GALNT3: variants seen among roughly 807,000 people sequenced by gnomAD.
The protein encoded by GALNT3 is GalNAc transferase 3.
Under a neutral mutation model 69.8 loss-of-function variants are expected in GALNT3, and 51 were observed. The ratio of observed to expected loss-of-function variants is 0.73; its 90% confidence interval spans 0.58 to 0.92. GALNT3 has a LOEUF of 0.92. GALNT3 is among the 40% of genes least tolerant of loss of function. The pLI, the probability that GALNT3 is intolerant of heterozygous loss-of-function variation, is 0.00. For synonymous variants in GALNT3, 265 were observed against 248.5 expected (o/e 1.07, Z -0.63); for missense variants, 711 against 760.0 (o/e 0.94, Z 0.76).
intron 4 of GALNT3, among the ~76,000 whole-genome samples, chr2:165,761,504 G>A (rs1463074428): frequency 6.6e-6 from 1 of 151,786 alleles, no homozygotes; most frequent in African/African-American, 2.4e-5. Context: ...GAGCCACCAC[G>A]CCCGGCTACA....
chr2:165,782,046 A>T (rs1683121880), intron 1 of GALNT3, among the ~76,000 whole-genome samples: 1 of 152,198 alleles, frequency 6.6e-6, no homozygotes, highest in Non-Finnish European at 1.5e-5. Flanking sequence ...GGGAGTCTAC[A>T]GCCATTCTCT....
At chr2:165,758,696 A>G in intron 6 of GALNT3, 51 bp downstream of exon 6, 1 of 1,131,678 alleles carries the variant, frequency 8.8e-7, no homozygotes. Flanking sequence ...TTAGAACACA[A>G]TATATTTCAT....
At chr2:165,773,176 C>T (rs1688782686) in intron 1 of GALNT3, among the ~76,000 whole-genome samples, 3 of 152,090 alleles carry the variant, frequency 2.0e-5, no homozygotes, top group Admixed American at 2.0e-4. Flanking sequence ...GTAATAATCC[C>T]CATGTGTCAA....
At chr2:165,765,081 A>T in intron 2 of GALNT3, 25 bp from the exon 3 acceptor site, 1 of 1,588,794 alleles carries the variant, frequency 6.3e-7, no homozygotes, top group Non-Finnish European at 8.6e-7. Flanking sequence ...AGAAGTAGAA[A>T]AACAATTACA....
At chr2:165,767,335 A>G (rs1053515350) in intron 2 of GALNT3, among the ~76,000 whole-genome samples, 1 of 152,072 alleles carries the variant, frequency 6.6e-6, no homozygotes, top group African/African-American at 2.4e-5. Context: ...TTCTGAGTAT[A>G]AGATTTTTTT....
chr2:165,756,943 C>A, intron 7 of GALNT3, 104 bp downstream of exon 7: 1 of 900,386 alleles, frequency 1.1e-6, no homozygotes. Context: ...TAAAAACCTA[C>A]TTTCAAATTT....
intron 7 of GALNT3, among the ~76,000 whole-genome samples, chr2:165,755,732 G>C (rs566446119): frequency 6.6e-6 from 1 of 152,224 alleles, no homozygotes; most frequent in Non-Finnish European, 1.5e-5. Flanking sequence ...AAATATTAGA[G>C]AAAAAGTACA....
intron 1 of GALNT3, 129 bp from the exon 2 acceptor site, chr2:165,770,937 T>C (rs1373743634): frequency 2.5e-6 from 1 of 393,596 alleles, no homozygotes; most frequent in African/African-American, 2.1e-5. Context: ...AATACAAAGA[T>C]ATCTTGTCCT....
intron 1 of GALNT3, among the ~76,000 whole-genome samples, chr2:165,790,692 G>A (rs867073567): frequency 1.6e-4 from 24 of 151,520 alleles, no homozygotes; most frequent in Admixed American, 4.6e-4. Flanking sequence ...AAGTGTCTAC[G>A]GAAGGCTTAA....
intron 5 of GALNT3, 73 bp downstream of exon 5, chr2:165,759,263 A>G: frequency 3.3e-6 from 4 of 1,210,606 alleles, no homozygotes; most frequent in Non-Finnish European, 4.8e-6. Context: ...AATTGCTATA[A>G]AGCAAACAGT....
At chr2:165,775,962 C>T (rs1206273142) in intron 1 of GALNT3, among the ~76,000 whole-genome samples, 12 of 152,066 alleles carry the variant, frequency 7.9e-5, no homozygotes, top group Non-Finnish European at 1.5e-4. Context: ...TGGAGATACA[C>T]GATAAAATCC....
rs11538293 is a variant in GALNT3, at chr2:165,748,071, T to A, written c.*710A>T. The A allele has an allele frequency of 5.5e-6, 1 of 181,448 alleles. No homozygotes were observed. Among genetic ancestry groups the A allele is most frequent in the African/African-American group, 2.4e-5 (1 of 42,478 alleles). 11.2% of individuals were successfully genotyped at this position (181,448 alleles called of 1,614,324 possible). ...AGATAGTAATTTATAAAAATTTTTT[T>A]AAAAGTGCTTTGGGAAAACACACAG... On this transcript the variant is annotated 3_prime_UTR_variant, in exon 11 of 11. Coordinates refer to ENST00000392701, the MANE Select transcript of GALNT3 (RefSeq NM_004482.4).
intron 1 of GALNT3, among the ~76,000 whole-genome samples, chr2:165,790,840 GA>G (rs1398196833): frequency 6.6e-6 from 1 of 152,018 alleles, no homozygotes; most frequent in African/African-American, 2.4e-5. Flanking sequence ...TAGTAAAAAA[GA>G]AAAGCATTAA....
chr2:165,787,200 A>C (rs1193890470), intron 1 of GALNT3, among the ~76,000 whole-genome samples: 1 of 152,234 alleles, frequency 6.6e-6, no homozygotes. Context: ...AAAAAGTGGG[A>C]GCTCAAACTG....
rs148293638 is a variant in GALNT3, at chr2:165,788,466, GGTGTGTGTGT to G, written c.-109+5539_-109+5548del. On this transcript the variant is annotated intron_variant, in intron 1 of 10. Transcript: ENST00000392701. ...GCATGTTTTGCAAATAATCCAAAAGGGTGTGTGTGTGTGTGTGTGTGTGTGTGTGTGTGTG... is the reference window on the plus strand; with the variant it reads ...GCATGTTTTGCAAATAATCCAAAAGGGTGTGTGTGTGTGTGTGTGTGTGTG... Among the ~76,000 whole-genome samples, 106 of 139,598 alleles carry G rather than the reference GGTGTGTGTGT, an allele frequency of 7.6e-4. No individual in the cohort carries two copies. The East Asian group carries it at 0.011, about 14-fold the overall frequency. 91.6% of individuals were successfully genotyped at this position (139,598 alleles called of 152,430 possible).
At chr2:165,773,022 G>A (rs757379686) in intron 1 of GALNT3, among the ~76,000 whole-genome samples, 4 of 152,132 alleles carry the variant, frequency 2.6e-5, no homozygotes, top group Non-Finnish European at 4.4e-5. Flanking sequence ...ATGAGATGAG[G>A]TGGGTCAAAG....
intron 3 of GALNT3, among the ~76,000 whole-genome samples, chr2:165,763,734 C>T (rs1558998628): frequency 1.3e-5 from 2 of 152,150 alleles, no homozygotes; most frequent in Admixed American, 6.5e-5. Flanking sequence ...TTACCCACAA[C>T]ATATGAACTT....
chr2:165,761,825 A>G, intron 4 of GALNT3, 80 bp downstream of exon 4: 1 of 1,497,930 alleles, frequency 6.7e-7, no homozygotes, highest in South Asian at 1.1e-5. Context: ...GCATTTAGAA[A>G]AGAAAAGACT....
intron 2 of GALNT3, 82 bp downstream of exon 2, chr2:165,770,104 A>C (rs1208371479): frequency 6.6e-7 from 1 of 1,522,818 alleles, no homozygotes; most frequent in Non-Finnish European, 9.0e-7. Context: ...TAGCTAAAAA[A>C]CAGATAACTT....
Sources: allele counts gnomAD v4.1 joint callset (sites outside exome capture counted in the v4.1 genomes callset), GRCh38; gene constraint gnomAD v4.1.1; transcripts MANE v1.5; gene names NCBI Gene and HGNC (gene_info 2026-07-23, HGNC 2026-07-21).